ST8SIA6: variants seen among roughly 807,000 people sequenced by gnomAD.
The protein encoded by ST8SIA6 is ST8 alpha-N-acetyl-neuraminide alpha-2,8-sialyltransferase 6.
A neutral mutation model predicts 33.6 loss-of-function variants in ST8SIA6; 39 were observed. The observed-to-expected ratio is 1.16, with a 90% CI of 0.90 to 1.52. ST8SIA6 has a LOEUF of 1.52. Among genes scored for constraint, ST8SIA6 ranks in the 40% most tolerant of loss-of-function variants. The pLI is 0.00. For missense variants in ST8SIA6, 441 were observed against 443.8 expected, an observed-to-expected ratio of 0.99 and a Z score of 0.06; for synonymous variants, 172 against 167.2, an observed-to-expected ratio of 1.03 and a Z score of -0.22.
chr10:17,433,530 G>T (rs1359891598), intron 2 of ST8SIA6, among the ~76,000 whole-genome samples: 1 of 152,092 alleles, frequency 6.6e-6, no homozygotes, highest in African/African-American at 2.4e-5. Flanking sequence ...ACAGATGCTG[G>T]GTCCATGGTA....
intron 2 of ST8SIA6, 87 bp downstream of exon 2, chr10:17,453,472 C>A: frequency 1.9e-6 from 2 of 1,073,502 alleles, no homozygotes; most frequent in South Asian, 3.9e-5. Context: ...CTGCCTACTC[C>A]CAACGAGTCC....
rs144463125 is a variant in ST8SIA6 at position 17,441,182 on chromosome 10, T to C, written c.200+12377A>G. On this transcript the variant is annotated intron_variant, in intron 2 of 7. Transcript: ENST00000377602. Reference sequence around the variant, plus strand: ...TGCCACATCTAAGAATGCTACCTGATCCAAGCTTCTAAAATTTTTCTTGTA... The same window carrying C: ...TGCCACATCTAAGAATGCTACCTGACCCAAGCTTCTAAAATTTTTCTTGTA... Among the ~76,000 whole-genome samples the C allele has an allele frequency of 1.7e-4, 26 of 152,242 alleles. 1 individual carries two copies. The East Asian group carries it at 5.0e-3, about 29-fold the overall frequency.
At chr10:17,425,496 G>C (rs1318079105) in intron 2 of ST8SIA6, among the ~76,000 whole-genome samples, 1 of 152,044 alleles carries the variant, frequency 6.6e-6, no homozygotes, top group Non-Finnish European at 1.5e-5. Context: ...GAAACTGTGA[G>C]GCGGAGGCTG....
At chr10:17,374,226 C>A (rs905133777) in intron 3 of ST8SIA6, among the ~76,000 whole-genome samples, 2 of 151,086 alleles carry the variant, frequency 1.3e-5, no homozygotes, top group Non-Finnish European at 2.9e-5. Flanking sequence ...AAAAGTCATA[C>A]ATGCTCATAA....
In ST8SIA6 at chr10:17,369,455, C is replaced by A. The variant is rs142457431; in HGVS notation, c.291-9855G>T. 2.5e-3 allele frequency among the ~76,000 whole-genome samples: 386 copies of A among 152,152 alleles called. 2 individuals carry two copies. The highest frequency in any genetic ancestry group is 9.0e-3 in the African/African-American group (372 of 41,546). ...TATTATGCTTTGTATTATTTCTATT[C>A]TTTTAAATGTACTGCATTTAAAAAA... On this transcript the variant is annotated intron_variant, in intron 3 of 7. Coordinates refer to ENST00000377602, the MANE Select transcript of ST8SIA6 (RefSeq NM_001004470.3).
chr10:17,440,807 A>G (rs11254599), intron 2 of ST8SIA6, among the ~76,000 whole-genome samples: 40,674 of 152,086 alleles, frequency 0.27, 8,003 homozygotes, highest in African/African-American at 0.56. Flanking sequence ...ATTATAAAAG[A>G]CATGGAGTTG....
intron 3 of ST8SIA6, among the ~76,000 whole-genome samples, chr10:17,384,968 A>G (rs1175679733): frequency 6.6e-6 from 1 of 152,188 alleles, no homozygotes; most frequent in East Asian, 1.9e-4. Context: ...CTAGCAATGA[A>G]AGATCAGATG....
intron 4 of ST8SIA6, among the ~76,000 whole-genome samples, chr10:17,334,496 G>C (rs952035054): frequency 6.7e-6 from 1 of 148,756 alleles, no homozygotes; most frequent in South Asian, 2.1e-4. Context: ...CCGCAGTAGC[G>C]CCACTGCACT....
intron 2 of ST8SIA6, among the ~76,000 whole-genome samples, chr10:17,420,305 G>A (rs1050565382): frequency 7.2e-5 from 11 of 152,270 alleles, no homozygotes; most frequent in South Asian, 2.1e-4. Context: ...CCAGCTACTC[G>A]GGAGGCTGAG....
At chr10:17,379,371 C>T (rs879748239) in intron 3 of ST8SIA6, among the ~76,000 whole-genome samples, 5 of 151,994 alleles carry the variant, frequency 3.3e-5, no homozygotes, top group Non-Finnish European at 5.9e-5. Context: ...GCGTTTGTTC[C>T]GTGATGCAGC....
intron 3 of ST8SIA6, among the ~76,000 whole-genome samples, chr10:17,360,461 A>C (rs535914735): frequency 2.5e-4 from 38 of 152,162 alleles, no homozygotes; most frequent in Non-Finnish European, 4.1e-4. Context: ...CATATACATG[A>C]AAGACTTTTT....
At chr10:17,326,551 G>T (rs1848134568) in intron 6 of ST8SIA6, among the ~76,000 whole-genome samples, 1 of 152,166 alleles carries the variant, frequency 6.6e-6, no homozygotes, top group Non-Finnish European at 1.5e-5. Context: ...GATACAGTTT[G>T]CAGGGCTGAA....
chr10:17,370,742 A>C (rs1849707170), intron 3 of ST8SIA6, among the ~76,000 whole-genome samples: 1 of 152,128 alleles, frequency 6.6e-6, no homozygotes, highest in South Asian at 2.1e-4. Context: ...CTTTGCTCCA[A>C]CCCACTTCCT....
chr10:17,403,756 A>G (rs1467686679), intron 2 of ST8SIA6: 1 of 152,156 alleles, frequency 6.6e-6, no homozygotes, highest in Non-Finnish European at 1.5e-5. Flanking sequence ...GAATCCTTAT[A>G]TGCCATCTTA....
At chr10:17,326,574 C>G (rs893879138) in intron 6 of ST8SIA6, among the ~76,000 whole-genome samples, 2 of 152,166 alleles carry the variant, frequency 1.3e-5, no homozygotes, top group Non-Finnish European at 2.9e-5. Context: ...ATGTCTTGAT[C>G]AGCATTTTCC....
intron 2 of ST8SIA6, among the ~76,000 whole-genome samples, chr10:17,402,038 C>CA (rs1488039077): frequency 9.9e-5 from 15 of 152,270 alleles, no homozygotes; most frequent in African/African-American, 3.6e-4. Context: ...ACTCATCTGA[C>CA]ACAGGGCTAA....
chr10:17,447,379 C>T (rs746582294), intron 2 of ST8SIA6, among the ~76,000 whole-genome samples: 2 of 151,890 alleles, frequency 1.3e-5, no homozygotes, highest in Non-Finnish European at 2.9e-5. Context: ...GCTCTCCAGC[C>T]TGGGCAACGA....
intron 2 of ST8SIA6, among the ~76,000 whole-genome samples, chr10:17,406,596 G>A (rs1588895771): frequency 6.6e-6 from 1 of 152,142 alleles, no homozygotes; most frequent in East Asian, 1.9e-4. Context: ...GAGGGTTGAG[G>A]AAGAGTTACT....
chr10:17,418,352 G>GC (rs1851667287), intron 2 of ST8SIA6, among the ~76,000 whole-genome samples: 1 of 152,132 alleles, frequency 6.6e-6, no homozygotes, highest in South Asian at 2.1e-4. Context: ...GCAGCCTGGA[G>GC]CCCTTTTTAT....
Sources: allele counts gnomAD v4.1 joint callset (sites outside exome capture counted in the v4.1 genomes callset), GRCh38; gene constraint gnomAD v4.1.1; transcripts MANE v1.5; gene names NCBI Gene and HGNC (gene_info 2026-07-23, HGNC 2026-07-21).